The following MAMLD1 variants were observed in gnomAD, a reference collection of about 807,000 sequenced individuals.
The protein encoded by MAMLD1 is mastermind like domain containing 1.
A neutral mutation model predicts 45.0 loss-of-function variants in MAMLD1; 14 were observed. That is an observed-to-expected ratio of 0.31 (90% confidence interval 0.21 to 0.49). The LOEUF (loss-of-function observed/expected upper bound fraction) is 0.49, where lower values mean the gene tolerates loss of function less well. MAMLD1 is among the 20% of genes least tolerant of loss of function. The probability of loss-of-function intolerance (pLI) is 0.99; values close to 1 mark genes in which losing one functional copy is unlikely to be tolerated. For missense variants in MAMLD1, 543 were observed against 603.6 expected, an observed-to-expected ratio of 0.90 and a Z score of 1.05; for synonymous variants, 254 against 247.8, an observed-to-expected ratio of 1.02 and a Z score of -0.24.
At chrX:150,488,318 C>G (rs1557407746) in intron 5 of MAMLD1, among the ~76,000 whole-genome samples, 2 of 112,710 alleles carry the variant, frequency 1.8e-5, no homozygotes, top group African/African-American at 6.4e-5. Context: ...GAGAGCTAAT[C>G]TGGGTCAACA....
chrX:150,426,508 C>T (rs1437811302), intron 1 of MAMLD1, among the ~76,000 whole-genome samples: 4 of 112,411 alleles, frequency 3.6e-5, no homozygotes, highest in Non-Finnish European at 7.5e-5. Flanking sequence ...CATATGGCCC[C>T]TGTACCACAG....
intron 1 of MAMLD1, among the ~76,000 whole-genome samples, chrX:150,402,824 A>G (rs1318151917): frequency 1.8e-5 from 2 of 110,942 alleles, no homozygotes; most frequent in African/African-American, 6.6e-5. Flanking sequence ...TCGCAAGAAC[A>G]AAAAACCAAA....
At chrX:150,478,494 A>G (rs781969352) in intron 5 of MAMLD1, among the ~76,000 whole-genome samples, 1 of 112,093 alleles carries the variant, frequency 8.9e-6, no homozygotes, top group East Asian at 2.8e-4. Flanking sequence ...GGAGAGCAAT[A>G]CTGCTGTCTG....
At chrX:150,362,066 G>C (rs1468795758), upstream of MAMLD1, among the ~76,000 whole-genome samples, 1 of 112,337 alleles carries the variant, frequency 8.9e-6, no homozygotes, top group Non-Finnish European at 1.9e-5. Context: ...GCACTCGGCC[G>C]GGATGGAGAG....
chrX:150,501,361 A>T (rs1459549726), intron 5 of MAMLD1, among the ~76,000 whole-genome samples: 1 of 112,191 alleles, frequency 8.9e-6, no homozygotes, highest in African/African-American at 3.2e-5. Context: ...CTAGGTATGC[A>T]GGCAGAAAGA....
At chrX:150,438,496 C>T (rs782285994) in intron 1 of MAMLD1, among the ~76,000 whole-genome samples, 1 of 112,308 alleles carries the variant, frequency 8.9e-6, no homozygotes, top group East Asian at 2.8e-4. Context: ...CATACTCATT[C>T]GGCAGTTAGT....
intron 6 of MAMLD1, chrX:150,509,555 A>G (rs2037840347): frequency 5.4e-6 from 1 of 184,651 alleles, no homozygotes; most frequent in African/African-American, 3.0e-5. Context: ...CAGAGTTAGC[A>G]TAGGACTGTC....
chrX:150,373,553 T>C (rs1423316058), intron 1 of MAMLD1, among the ~76,000 whole-genome samples: 2 of 111,671 alleles, frequency 1.8e-5, no homozygotes, highest in Non-Finnish European at 3.8e-5. Context: ...TTTGCCAAGA[T>C]AGCAAAGGCT....
rs781904160 is a variant in MAMLD1 at position 150,394,129 on chromosome X, C to CTTTTTTTTTTTTTTTTTTTTTT, written c.-64+30603_-64+30624dup. On this transcript the variant is annotated intron_variant, in intron 1 of 7. Transcript: ENST00000370401. ...GGGGTGTAAGGTCTATATCTACATC[C>CTTTTTTTTTTTTTTTTTTTTTT]TTTTTTTTTTTTTTTTTTTTTTTTT... 1.4e-3 allele frequency among the ~76,000 whole-genome samples: 17 copies of CTTTTTTTTTTTTTTTTTTTTTT among 12,263 alleles called. 3 individuals are homozygous for CTTTTTTTTTTTTTTTTTTTTTT. Among genetic ancestry groups the CTTTTTTTTTTTTTTTTTTTTTT allele is most frequent in the African/African-American group, 3.6e-3 (10 of 2,777 alleles). 10.6% of individuals were successfully genotyped at this position (12,263 alleles called of 115,157 possible). A position where few individuals can be genotyped will look rare whatever the true frequency, so the allele number is the denominator to read the frequency against.
chrX:150,441,011 A>G (rs1167591627), intron 1 of MAMLD1, among the ~76,000 whole-genome samples: 1 of 104,691 alleles, frequency 9.6e-6, no homozygotes, highest in Non-Finnish European at 1.9e-5. Flanking sequence ...TATAAATATT[A>G]ATATTTAATA....
At chrX:150,441,895 A>G (rs2035327966) in intron 1 of MAMLD1, among the ~76,000 whole-genome samples, 1 of 111,249 alleles carries the variant, frequency 9.0e-6, no homozygotes, top group Admixed American at 9.6e-5. Context: ...CCCATCTATA[A>G]AGGTGAATTT....
chrX:150,452,438 G>T (rs1212818439), intron 2 of MAMLD1, among the ~76,000 whole-genome samples: 3 of 110,842 alleles, frequency 2.7e-5, no homozygotes, highest in African/African-American at 9.9e-5. Flanking sequence ...GTGATGGAAA[G>T]GGTAGAAGGT....
chrX:150,366,631 T>C (rs1329525405), intron 1 of MAMLD1, among the ~76,000 whole-genome samples: 1 of 111,948 alleles, frequency 8.9e-6, no homozygotes, highest in African/African-American at 3.3e-5. Context: ...AGCCCTCTTT[T>C]CACTTCATGA....
At chrX:150,400,109 C>T (rs1366686822) in intron 1 of MAMLD1, among the ~76,000 whole-genome samples, 1 of 111,930 alleles carries the variant, frequency 8.9e-6, no homozygotes, top group Non-Finnish European at 1.9e-5. Context: ...TGAAGTAGCT[C>T]CCTCTTGGTC....
At chrX:150,430,019 CTTTTTT>C (rs1174092962) in intron 1 of MAMLD1, among the ~76,000 whole-genome samples, 1,180 of 49,186 alleles carry the variant, frequency 0.024, 14 homozygotes, top group African/African-American at 0.095. Context: ...TCTTTCTTTT[CTTTTTT>C]TTTTTTTTTT....
intron 5 of MAMLD1, among the ~76,000 whole-genome samples, chrX:150,492,964 C>A (rs2037234632): frequency 9.0e-6 from 1 of 111,383 alleles, no homozygotes; most frequent in Admixed American, 9.6e-5. Context: ...GAAGGTGGAG[C>A]CTTCAGTGAC....
intron 1 of MAMLD1, among the ~76,000 whole-genome samples, chrX:150,420,719 C>T (rs2034463417): frequency 8.9e-6 from 1 of 112,588 alleles, no homozygotes; most frequent in African/African-American, 3.2e-5. Context: ...CAGTGTGCCC[C>T]TGCTGGGGGT....
intron 5 of MAMLD1, among the ~76,000 whole-genome samples, chrX:150,480,939 T>C (rs1262158619): frequency 1.8e-5 from 2 of 112,499 alleles, no homozygotes; most frequent in Non-Finnish European, 3.8e-5. Context: ...TTTTCCCCTG[T>C]AGCATGCTAC....
At chrX:150,401,842 T>C (rs1353262247) in intron 1 of MAMLD1, among the ~76,000 whole-genome samples, 2 of 110,502 alleles carry the variant, frequency 1.8e-5, no homozygotes, top group Non-Finnish European at 3.8e-5. Flanking sequence ...ATTTAATAAA[T>C]GGTGCTGGGA....
Sources: gnomAD v4.1 joint callset for allele counts (sites outside exome capture counted in the v4.1 genomes callset) on GRCh38, gnomAD v4.1.1 for gene constraint, MANE v1.5 for transcripts, NCBI Gene and HGNC (gene_info 2026-07-23, HGNC 2026-07-21) for gene names.